ATP8A2: variants seen among roughly 807,000 people sequenced by gnomAD.
ATP8A2 encodes the protein phospholipid-transporting ATPase IB.
In ATP8A2, 100 loss-of-function variants were observed where a neutral mutation model predicts 165.6. The observed-to-expected ratio is 0.60, with a 90% CI of 0.51 to 0.71. The LOEUF (loss-of-function observed/expected upper bound fraction) is 0.71, where lower values mean the gene tolerates loss of function less well. ATP8A2 is among the 30% of genes least tolerant of loss of function. The pLI is 0.00. For missense variants in ATP8A2, 1,227 were observed against 1,479.5 expected, an observed-to-expected ratio of 0.83 and a Z score of 2.80; for synonymous variants, 543 against 548.8, an observed-to-expected ratio of 0.99 and a Z score of 0.15.
chr13:25,435,181 C>T (rs774504066), intron 1 of ATP8A2, among the ~76,000 whole-genome samples: 17 of 148,968 alleles, frequency 1.1e-4, no homozygotes, highest in Non-Finnish European at 2.4e-4. Context: ...AGTGCAGTGG[C>T]GCGATCTCGG....
chr13:25,851,195 C>A (rs1171670993), intron 30 of ATP8A2, among the ~76,000 whole-genome samples: 7 of 152,210 alleles, frequency 4.6e-5, no homozygotes, highest in Admixed American at 4.6e-4. Context: ...TTAGGCTTAG[C>A]CCATCTTCAT....
At chr13:25,697,882 A>G (rs1238938989) in intron 24 of ATP8A2, among the ~76,000 whole-genome samples, 2 of 152,212 alleles carry the variant, frequency 1.3e-5, no homozygotes, top group Non-Finnish European at 2.9e-5. Context: ...TCTTTATGAA[A>G]TTGTCAAAAG....
intron 33 of ATP8A2, among the ~76,000 whole-genome samples, chr13:25,937,405 TTG>T (rs1954934778): frequency 7.2e-6 from 1 of 139,680 alleles, no homozygotes; most frequent in African/African-American, 2.7e-5. Context: ...ACTCCATTGG[TTG>T]TGTTTGGAAA....
At chr13:25,536,296 A>G (rs1270761532) in intron 6 of ATP8A2, among the ~76,000 whole-genome samples, 1 of 134,220 alleles carries the variant, frequency 7.5e-6, no homozygotes, top group African/African-American at 2.8e-5. Context: ...TTTTTTTTTT[A>G]GTGAGATGGG....
intron 34 of ATP8A2, among the ~76,000 whole-genome samples, chr13:25,964,319 C>T (rs890597263): frequency 6.6e-6 from 1 of 152,214 alleles, no homozygotes; most frequent in African/African-American, 2.4e-5. Flanking sequence ...ATCTAAACTA[C>T]CCTCACCCCT....
chr13:25,696,880 TCTTTTGACATGGTGCACCATG>T (rs1360841252), intron 24 of ATP8A2, among the ~76,000 whole-genome samples: 1 of 152,212 alleles, frequency 6.6e-6, no homozygotes, highest in East Asian at 1.9e-4. Flanking sequence ...TGGCCTATCT[TCTTTTGACATGGTGCACCATG>T]CTTTTGACAT....
intron 24 of ATP8A2, among the ~76,000 whole-genome samples, chr13:25,597,777 A>G (rs960411800): frequency 1.3e-5 from 2 of 152,212 alleles, no homozygotes; most frequent in Admixed American, 6.5e-5. Flanking sequence ...GTGGTATTCT[A>G]CGTTGCTAAA....
intron 35 of ATP8A2, among the ~76,000 whole-genome samples, chr13:26,007,594 A>G (rs1956767818): frequency 6.6e-6 from 1 of 152,244 alleles, no homozygotes; most frequent in Non-Finnish European, 1.5e-5. Context: ...TGATGGACTG[A>G]GCTAACTCAG....
intron 30 of ATP8A2, among the ~76,000 whole-genome samples, chr13:25,853,234 C>T (rs1952054018): frequency 6.6e-6 from 1 of 151,432 alleles, no homozygotes; most frequent in African/African-American, 2.4e-5. Flanking sequence ...TCTAAAAATA[C>T]CTCAAAAATT....
Position 25,543,382 on chromosome 13 carries a change from C to G in ATP8A2, c.871C>G (p.His291Asp). Residue 291 changes from histidine to aspartate, a missense_variant, in exon 10 of 37, where the codon CAC becomes GAC. This residue lies in a region of ATP8A2 where 356 missense variants were observed against 394.9 expected (regional missense o/e 0.90). Coordinates refer to ENST00000381655, the MANE Select transcript of ATP8A2 (RefSeq NM_016529.6). ...CTTTGGCATAGTTGTTTATACTGGA[C>G]ACGACACCAAACTCATGCAGGTAAA... ...WVFGIVVYTG[H>D]DTKLMQNSTK... is the part of the protein sequence containing the mutation. 2 of 1,607,104 alleles carry G rather than the reference C, an allele frequency of 1.2e-6. No homozygotes were observed. Among genetic ancestry groups the G allele is most frequent in the Non-Finnish European group, 1.7e-6 (2 of 1,174,206 alleles).
chr13:25,737,785 C>A (rs1352297913), intron 25 of ATP8A2, among the ~76,000 whole-genome samples: 6 of 152,234 alleles, frequency 3.9e-5, no homozygotes, highest in Non-Finnish European at 8.8e-5. Flanking sequence ...CAGGTTCATG[C>A]CATTCTTCTG....
intron 1 of ATP8A2, among the ~76,000 whole-genome samples, chr13:25,381,270 T>C (rs2032828364): frequency 6.6e-6 from 1 of 152,170 alleles, no homozygotes; most frequent in South Asian, 2.1e-4. Flanking sequence ...CAGAGACCGG[T>C]CATTGATGGG....
intron 24 of ATP8A2, among the ~76,000 whole-genome samples, chr13:25,622,903 T>C (rs965713149): frequency 6.6e-6 from 1 of 152,224 alleles, no homozygotes; most frequent in Admixed American, 6.5e-5. Flanking sequence ...TGTGCTGTCA[T>C]ATTAGTTAAA....
intron 33 of ATP8A2, among the ~76,000 whole-genome samples, chr13:25,883,230 A>G (rs1953038387): frequency 6.6e-6 from 1 of 151,730 alleles, no homozygotes; most frequent in African/African-American, 2.4e-5. Context: ...CTTTCTCTGC[A>G]CTCTCAGAGC....
intron 25 of ATP8A2, among the ~76,000 whole-genome samples, chr13:25,756,624 G>A (rs557468349): frequency 6.6e-6 from 1 of 152,256 alleles, no homozygotes; most frequent in South Asian, 2.1e-4. Context: ...GTGACCTCGG[G>A]CATACTGTGT....
intron 10 of ATP8A2, among the ~76,000 whole-genome samples, chr13:25,545,590 G>C (rs552031015): frequency 6.6e-6 from 1 of 152,074 alleles, no homozygotes; most frequent in Non-Finnish European, 1.5e-5. Flanking sequence ...CTTGCTGCAC[G>C]CTTTGGGAGC....
chr13:25,682,774 A>G (rs2042519867), intron 24 of ATP8A2, among the ~76,000 whole-genome samples: 2 of 151,954 alleles, frequency 1.3e-5, no homozygotes, highest in African/African-American at 4.8e-5. Context: ...TGAACTCCCC[A>G]CCCCGCCTGC....
chr13:25,722,690 C>T (rs923441383), intron 25 of ATP8A2, among the ~76,000 whole-genome samples: 15 of 152,192 alleles, frequency 9.9e-5, no homozygotes, highest in African/African-American at 3.4e-4. Context: ...TCTGTGTGTA[C>T]CAAAAATGCA....
chr13:25,772,335 A>G (rs2044639845), intron 26 of ATP8A2, among the ~76,000 whole-genome samples: 1 of 152,174 alleles, frequency 6.6e-6, no homozygotes, highest in Admixed American at 6.5e-5. Flanking sequence ...TGAGGCATTC[A>G]GGATGACTCA....
Sources: allele counts gnomAD v4.1 joint callset (sites outside exome capture counted in the v4.1 genomes callset), GRCh38; gene constraint gnomAD v4.1.1; regional missense constraint gnomAD v4.1.1; transcripts MANE v1.5; gene names NCBI Gene and HGNC (gene_info 2026-07-23, HGNC 2026-07-21).